GANAB: variants seen among roughly 807,000 people sequenced by gnomAD.
The protein encoded by GANAB is neutral alpha-glucosidase AB.
GANAB carries 35 observed loss-of-function variants against 129.9 expected under a neutral mutation model. The observed-to-expected ratio is 0.27, with a 90% confidence interval of 0.21 to 0.36. The LOEUF is 0.36. Among genes scored for constraint, GANAB ranks in the 10% least tolerant of loss-of-function variants. GANAB has a pLI of 1.00. For synonymous variants in GANAB, 482 were observed against 451.8 expected, an observed-to-expected ratio of 1.07 and a Z score of -0.85; for missense variants, 939 against 1,221.0, an observed-to-expected ratio of 0.77 and a Z score of 3.44.
At chr11:62,640,276 G>A (rs924701248) in intron 1 of GANAB, among the ~76,000 whole-genome samples, 1 of 140,246 alleles carries the variant, frequency 7.1e-6, no homozygotes, top group African/African-American at 2.7e-5. Flanking sequence ...GCTCACGCCT[G>A]TAATCCCAGC....
chr11:62,633,430 C>A lies in GANAB; in HGVS notation c.630+15G>T. ...GCCAGCCCTATCCTCCAACCACCCA[C>A]CCGCTCCAACTTGCCTTGTCGCCAT... On this transcript the variant is annotated intron_variant, in intron 6 of 23. Transcript: ENST00000356638. 6.2e-7 allele frequency: 1 copy of A among 1,613,312 alleles called. No homozygotes were observed. The highest frequency in any genetic ancestry group is 8.5e-7 in the Non-Finnish European group (1 of 1,179,558).
intron 13 of GANAB, 117 bp from the exon 14 acceptor site, chr11:62,630,074 G>T: frequency 7.7e-7 from 1 of 1,296,292 alleles, no homozygotes; most frequent in Non-Finnish European, 1.1e-6. Context: ...GGCCCTCCCC[G>T]GATCATCAAG....
chr11:62,629,059 G>GA, intron 16 of GANAB, 47 bp from the exon 17 acceptor site: 1 of 1,603,622 alleles, frequency 6.2e-7, no homozygotes, highest in Non-Finnish European at 8.5e-7. Context: ...GGGTGAAGGA[G>GA]AGATACTGCT....
At chr11:62,637,940 T>C (rs1045051306) in intron 4 of GANAB, among the ~76,000 whole-genome samples, 5 of 150,582 alleles carry the variant, frequency 3.3e-5, no homozygotes, top group African/African-American at 1.2e-4. Flanking sequence ...GAAGACCACA[T>C]GCACTAAGAC....
intron 4 of GANAB, among the ~76,000 whole-genome samples, chr11:62,638,777 T>C (rs562569770): frequency 1.3e-5 from 2 of 152,032 alleles, no homozygotes; most frequent in African/African-American, 2.4e-5. Flanking sequence ...AAAGCAATAA[T>C]TGTTTGCTGA....
intron 5 of GANAB, chr11:62,634,246 A>G: frequency 8.9e-7 from 1 of 1,119,924 alleles, no homozygotes; most frequent in East Asian, 2.4e-5. Flanking sequence ...CTCCCCCCAA[A>G]GGCTAGAGTG....
chr11:62,643,202 A>G (rs975494917), intron 1 of GANAB, among the ~76,000 whole-genome samples: 1 of 152,220 alleles, frequency 6.6e-6, no homozygotes, highest in Non-Finnish European at 1.5e-5. Flanking sequence ...AGATTCTCAA[A>G]TTTTAATGTC....
chr11:62,628,738 C>G (rs1431511349), intron 17 of GANAB, 31 bp downstream of exon 17: 1 of 1,605,280 alleles, frequency 6.2e-7, no homozygotes. Context: ...CCACCTCAGC[C>G]CACTCTTCAC....
rs1303977391 is a variant in GANAB at position 62,627,108 on chromosome 11, A to G, written c.2262T>C (p.Val754=). ...DQYLLGDALL[V]HPVSDSGAHG... ...GGGCTCCAGAGTCTGATACAGGGTG[A>G]ACCAGCAACGCATCCCCTAAAATAT... The change falls in exon 19 of 24, where the codon GTT becomes GTC. Residue 754 remains valine, a synonymous_variant. Transcript: ENST00000356638. 2.5e-6 allele frequency: 4 copies of G among 1,613,816 alleles called. No homozygotes were observed. Among genetic ancestry groups the G allele is most frequent in the Middle Eastern group, 1.7e-4 (1 of 6,060 alleles).
chr11:62,639,108 C>T lies in GANAB; in HGVS notation c.255G>A (p.Val85=). The change falls in exon 4 of 24, where the codon GTG becomes GTA. Residue 85 remains valine (V), a splice_region_variant and synonymous_variant. Coordinates refer to ENST00000356638, the MANE Select transcript of GANAB (RefSeq NM_198334.3). ...TVHLIHEVTK[V]LLVLELQGLQ... ...GCCCCTGAAGCTCTAGCACCAGCAA[C>T]ACCTGCGGGGACAGAGGTTTGGATC... 1 of 1,613,940 alleles carries T rather than the reference C, an allele frequency of 6.2e-7. No individual in the cohort carries two copies. The highest frequency in any genetic ancestry group is 8.5e-7 in the Non-Finnish European group (1 of 1,179,946).
At position 62,631,268 on chromosome 11, in the gene GANAB, G is replaced by C. The variant is rs1943665405; in HGVS notation, c.997-85C>G. The C allele has an allele frequency of 3.9e-6, 5 of 1,294,074 alleles. No homozygotes were observed. The Admixed American group carries it at 1.1e-4, about 29-fold the overall frequency. The allele number at this position is 1,294,074 out of a possible 1,614,324, so 80.2% of individuals were successfully genotyped here. A position where few individuals can be genotyped will look rare whatever the true frequency, so the allele number is the denominator to read the frequency against. ...GACAAAAAGTAGCAATTTTCTCCCA[G>C]AGTCCACACAGAGCTGGCTCATGTA... On this transcript the variant is annotated intron_variant, in intron 9 of 23. Coordinates refer to ENST00000356638, the MANE Select transcript of GANAB (RefSeq NM_198334.3).
rs1375212662 is a variant in GANAB, at chr11:62,629,582, C to A, written c.1834+6G>T. ...TTCTGCCACAGCTCCATTCTCTAAA[C>A]CTTACCAAAGCGCTGGGAGCCAGCG... On this transcript the variant is annotated splice_donor_region_variant and intron_variant, in intron 15 of 23. Coordinates refer to ENST00000356638, the MANE Select transcript of GANAB (RefSeq NM_198334.3). 3 of 1,590,014 alleles carry A rather than the reference C, an allele frequency of 1.9e-6. No individual in the cohort carries two copies. The highest frequency in any genetic ancestry group is 2.6e-6 in the Non-Finnish European group (3 of 1,165,848).
At position 62,630,288 on chromosome 11, in the gene GANAB, T is replaced by C; in HGVS notation, c.1514-12A>G. ...GTAACCAGCTGAGCCTGGGAGAAGT[T>C]AAGGGTGGCTCTCAATCCCCTAAGG... On this transcript the variant is annotated splice_polypyrimidine_tract_variant and intron_variant, in intron 12 of 23. Coordinates refer to ENST00000356638, the MANE Select transcript of GANAB (RefSeq NM_198334.3). 6.2e-7 allele frequency: 1 copy of C among 1,613,158 alleles called. No homozygotes were observed. Among genetic ancestry groups the C allele is most frequent in the South Asian group, 1.1e-5 (1 of 90,922 alleles).
chr11:62,630,375 T>C lies in GANAB; in HGVS notation c.1513+4A>G. 6.2e-7 allele frequency: 1 copy of C among 1,614,162 alleles called. No homozygotes were observed. ...AACTCTCCCTCAATTCTGGGTCTGC[T>C]TACCTGGCCAGCACCAGCCCTCATA... On this transcript the variant is annotated splice_donor_region_variant and intron_variant, in intron 12 of 23. Transcript: ENST00000356638.
Position 62,629,225 on chromosome 11 carries a change from G to A in GANAB, c.1905C>T (p.Ser635=). 1 of 1,613,138 alleles carries A rather than the reference G, an allele frequency of 6.2e-7. No homozygotes were observed. Among genetic ancestry groups the A allele is most frequent in the Non-Finnish European group, 8.5e-7 (1 of 1,179,198 alleles). The change falls in exon 16 of 24, where the codon AGC becomes AGT. Residue 635 remains serine, a synonymous_variant. Coordinates refer to ENST00000356638, the MANE Select transcript of GANAB (RefSeq NM_198334.3). The part of the protein sequence containing the change: ...HLKISIPMCL[S]LGLVGLSFCG... ...AGAAGGAAAGTCCCACCAGCCCCAA[G>A]CTGAGACACATAGGAATAGAGATCT...
chr11:62,643,780 C>T (rs1170033099), intron 1 of GANAB, among the ~76,000 whole-genome samples: 3 of 152,176 alleles, frequency 2.0e-5, no homozygotes, highest in Non-Finnish European at 2.9e-5. Context: ...CGCACCACTG[C>T]ACTCTAGCCT....
Position 62,646,589 on chromosome 11 carries a change from A to T in GANAB, c.11T>A (p.Val4Glu). Reference protein sequence around the residue: MAAVAAVAARRRRS... With the variant: MAAEAAVAARRRRS... ...CCTCCTACGCGCCGCCACTGCCGCT[A>T]CCGCCGCCATCTTGTGCAGAGTTTG... is the stretch of plus-strand genomic sequence containing the variant. Residue 4 changes from valine (V) to glutamate (E), a missense_variant, in exon 1 of 24, where the codon GTA (valine) becomes GAA (glutamate). Val to Glu is a moderately radical substitution (Grantham distance 121). Transcript: ENST00000356638. The T allele has an allele frequency of 1.2e-6, 2 of 1,613,762 alleles. No individual in the cohort carries two copies. Among genetic ancestry groups the T allele is most frequent in the Non-Finnish European group, 1.7e-6 (2 of 1,179,902 alleles).
chr11:62,645,718 T>A (rs572789511), intron 1 of GANAB, among the ~76,000 whole-genome samples: 1 of 152,116 alleles, frequency 6.6e-6, no homozygotes, highest in African/African-American at 2.4e-5. Context: ...AAGAGAGGTG[T>A]TCATAGGCCA....
Position 62,639,030 on chromosome 11 carries a change from G to A in GANAB, c.333C>T (p.Pro111=). 1 of 1,614,018 alleles carries A rather than the reference G, an allele frequency of 6.2e-7. No homozygotes were observed. Among genetic ancestry groups the A allele is most frequent in the Non-Finnish European group, 8.5e-7 (1 of 1,179,948 alleles). Residue 111 remains proline, a synonymous_variant, in exon 4 of 24, where the codon CCC becomes CCT. Transcript: ENST00000356638. ...FRIDELEPRR[P]RYRVPDVLVA... The stretch of plus-strand genomic sequence containing the variant: ...CCAAAACATCTGGTACACGGTATCG[G>A]GGTCGCCGAGGCTCCAGCTCATCAA...
Sources: allele counts gnomAD v4.1 joint callset (sites outside exome capture counted in the v4.1 genomes callset), GRCh38; gene constraint gnomAD v4.1.1; transcripts MANE v1.5; gene names NCBI Gene and HGNC (gene_info 2026-07-23, HGNC 2026-07-21).